The following MRAS variants were observed in gnomAD, a reference collection of about 807,000 sequenced individuals.
MRAS encodes muscle RAS oncogene homolog, also known as ras-related protein M-Ras.
In MRAS, 4 loss-of-function variants were observed where a neutral mutation model predicts 20.9. That is an observed-to-expected ratio of 0.19 (90% CI 0.09 to 0.44). The LOEUF (loss-of-function observed/expected upper bound fraction) is 0.44. Among genes scored for constraint, MRAS ranks in the 20% least tolerant of loss-of-function variants. The pLI is 0.99. For missense variants in MRAS, 154 were observed against 277.5 expected, an observed-to-expected ratio of 0.56 and a Z score of 3.16; for synonymous variants, 98 against 102.9, an observed-to-expected ratio of 0.95 and a Z score of 0.29.
upstream of MRAS, chr3:138,348,446 G>A (rs1262785450): frequency 6.6e-6 from 1 of 152,112 alleles, no homozygotes; most frequent in African/African-American, 2.4e-5. Flanking sequence ...GCGCGTCCTG[G>A]GGGCCGGGGT....
intron 1 of MRAS, among the ~76,000 whole-genome samples, chr3:138,361,937 C>CT (rs1406519359): frequency 1.3e-4 from 20 of 152,220 alleles, no homozygotes; most frequent in Admixed American, 1.3e-3. Flanking sequence ...ACTTCCTACT[C>CT]TCTTTCCTCA....
chr3:138,394,179 C>T (rs1246710697), intron 2 of MRAS, among the ~76,000 whole-genome samples: 13 of 152,048 alleles, frequency 8.5e-5, no homozygotes, highest in Middle Eastern at 3.4e-3. Flanking sequence ...GGAAACTGCC[C>T]GGTCCTTGGC....
At chr3:138,386,239 C>T (rs563914859) in intron 2 of MRAS, among the ~76,000 whole-genome samples, 1 of 151,738 alleles carries the variant, frequency 6.6e-6, no homozygotes, top group Admixed American at 6.6e-5. Flanking sequence ...TGCTCAAAAC[C>T]CCCCTTACCC....
intron 1 of MRAS, among the ~76,000 whole-genome samples, chr3:138,360,258 A>G (rs1477088269): frequency 5.3e-5 from 8 of 152,210 alleles, no homozygotes; most frequent in African/African-American, 7.2e-5. Flanking sequence ...TCTCTCAGGC[A>G]GGGGCCTGTG....
chr3:138,361,829 A>G (rs1180164859), intron 1 of MRAS, among the ~76,000 whole-genome samples: 3 of 152,232 alleles, frequency 2.0e-5, no homozygotes, highest in Non-Finnish European at 4.4e-5. Flanking sequence ...GGAAGGCTGC[A>G]GGAGTCCTCC....
intron 4 of MRAS, among the ~76,000 whole-genome samples, chr3:138,399,514 A>G (rs758948284): frequency 7.1e-5 from 10 of 140,392 alleles, no homozygotes; most frequent in Non-Finnish European, 1.5e-4. Flanking sequence ...TTTACAATCT[A>G]CTCCTCTAAA....
intron 2 of MRAS, among the ~76,000 whole-genome samples, chr3:138,387,521 A>T (rs988357454): frequency 3.3e-5 from 5 of 152,276 alleles, no homozygotes; most frequent in Admixed American, 3.3e-4. Flanking sequence ...AGCCATATGA[A>T]CCTAAGCAGA....
chr3:138,362,823 C>T (rs1027666274), intron 1 of MRAS, among the ~76,000 whole-genome samples: 3 of 152,038 alleles, frequency 2.0e-5, no homozygotes, highest in African/African-American at 7.3e-5. Flanking sequence ...GATGAAGATC[C>T]CTTGTTTCCA....
intron 2 of MRAS, among the ~76,000 whole-genome samples, chr3:138,378,684 G>C (rs368572263): frequency 1.6e-4 from 25 of 152,222 alleles, no homozygotes; most frequent in Non-Finnish European, 1.3e-4. Flanking sequence ...CCAAACCTTC[G>C]GCAGAGCCAT....
intron 2 of MRAS, among the ~76,000 whole-genome samples, chr3:138,386,440 A>G (rs1315724057): frequency 6.6e-6 from 1 of 152,126 alleles, no homozygotes. Flanking sequence ...GTGTATCAGA[A>G]TTCCATTCTT....
chr3:138,389,100 A>G (rs1293258046), intron 2 of MRAS, among the ~76,000 whole-genome samples: 2 of 152,062 alleles, frequency 1.3e-5, no homozygotes, highest in Non-Finnish European at 2.9e-5. Flanking sequence ...TCGGCCTCCC[A>G]AAGTGCTGGG....
intron 4 of MRAS, chr3:138,400,318 A>G: frequency 3.9e-6 from 2 of 513,188 alleles, no homozygotes; most frequent in South Asian, 3.1e-5. Flanking sequence ...CTCTGTGCCT[A>G]GAGAACAAGA....
chr3:138,357,772 C>T lies in MRAS; in HGVS notation c.-19+9005C>T, dbSNP rs2054365389. ...TATTATTGCATGTAACAGGCATCCA[C>T]CAAGGGCTTTTAAGAAAGGGAGTTG... On this transcript the variant is annotated intron_variant, in intron 1 of 5. Transcript: ENST00000423968. 3.3e-5 allele frequency among the ~76,000 whole-genome samples: 5 copies of T among 152,316 alleles called. No homozygotes were observed. The South Asian group carries it at 1.0e-3, about 32-fold the overall frequency.
rs2055290279 is a variant in MRAS, at chr3:138,398,562, A to G, written c.441A>G (p.Lys147=). 3 of 1,614,002 alleles carry G rather than the reference A, an allele frequency of 1.9e-6. No homozygotes were observed. The highest frequency in any genetic ancestry group is 2.5e-6 in the Non-Finnish European group (3 of 1,179,972). The change falls in exon 4 of 6, where the codon AAA becomes AAG. Residue 147 remains lysine, a synonymous_variant. Transcript: ENST00000423968. ...AGCAAGGAAAAGAAATGGCGACCAA[A>G]CACAATGTAGGTGTGTGCGTGTGTG... ...TREQGKEMAT[K]HNIPYIETSA...
intron 2 of MRAS, among the ~76,000 whole-genome samples, chr3:138,391,033 G>A (rs2055121874): frequency 6.6e-6 from 1 of 151,996 alleles, no homozygotes; most frequent in Non-Finnish European, 1.5e-5. Context: ...GATAAGAATT[G>A]CTGAAAGCTG....
intron 2 of MRAS, among the ~76,000 whole-genome samples, chr3:138,381,652 T>C (rs77611489): frequency 0.016 from 2,408 of 152,338 alleles, 61 homozygotes; most frequent in African/African-American, 0.056. Context: ...CTTGGGGTTC[T>C]TGGGCCCAGC....
chr3:138,385,046 G>A (rs2054981102), intron 2 of MRAS, among the ~76,000 whole-genome samples: 1 of 152,070 alleles, frequency 6.6e-6, no homozygotes, highest in Non-Finnish European at 1.5e-5. Context: ...GTGGTGGAGA[G>A]GAGGAGCAGG....
intron 2 of MRAS, among the ~76,000 whole-genome samples, chr3:138,382,822 G>C (rs1418999763): frequency 1.3e-5 from 2 of 152,222 alleles, no homozygotes; most frequent in African/African-American, 2.4e-5. Context: ...GTGGGGTTTT[G>C]CCTGAGTTTC....
Position 138,397,362 on chromosome 3 carries a change from C to T in MRAS, c.232C>T (p.Arg78Trp), listed in dbSNP as rs752073267. ...TAGQEEFSAMREQYMRTGDGF... is the reference protein window; with the variant it reads ...TAGQEEFSAMWEQYMRTGDGF... ...TGGGCAGGAGGAATTCAGCGCCATG[C>T]GGGAGCAATACATGCGCACGGGGGA... The change falls in exon 3 of 6, where the codon CGG becomes TGG. Residue 78 changes from arginine to tryptophan, a missense_variant. Physicochemically the swap from Arg to Trp is moderately radical, Grantham distance 101. Transcript: ENST00000423968. 3 of 1,614,074 alleles carry T rather than the reference C, an allele frequency of 1.9e-6. No homozygotes were observed. Among genetic ancestry groups the T allele is most frequent in the African/African-American group, 1.3e-5 (1 of 75,044 alleles).
Sources: allele counts gnomAD v4.1 joint callset (sites outside exome capture counted in the v4.1 genomes callset), GRCh38; gene constraint gnomAD v4.1.1; transcripts MANE v1.5; gene names NCBI Gene and HGNC (gene_info 2026-07-23, HGNC 2026-07-21).